TAF15: variants seen among roughly 807,000 people sequenced by gnomAD.
TAF15 encodes the protein TATA-binding protein-associated factor 2N.
A neutral mutation model predicts 102.5 loss-of-function variants in TAF15; 37 were observed. That is an observed-to-expected ratio of 0.36 (90% CI 0.28 to 0.47). The LOEUF (loss-of-function observed/expected upper bound fraction) is 0.47. Among genes scored for constraint, TAF15 ranks in the 20% least tolerant of loss-of-function variants. The probability of loss-of-function intolerance (pLI) is 0.99; values close to 1 mark genes in which losing one functional copy is unlikely to be tolerated. For synonymous variants in TAF15, 273 were observed against 259.2 expected (o/e 1.05, Z -0.51); for missense variants, 652 against 760.7 (o/e 0.86, Z 1.68).
rs368102708 is a variant in TAF15 at position 35,835,060 on chromosome 17, A to G, written c.673+462A>G. On this transcript the variant is annotated intron_variant, in intron 9 of 15. Coordinates refer to ENST00000605844, the MANE Select transcript of TAF15 (RefSeq NM_139215.3). Reference sequence around the variant, plus strand: ...CGCCCGGCTGGGGAGCTTTATTTCTAAAGAAGTGTCAGAAAAATTCAGGAG... The same window carrying G: ...CGCCCGGCTGGGGAGCTTTATTTCTGAAGAAGTGTCAGAAAAATTCAGGAG... 2.8e-3 allele frequency among the ~76,000 whole-genome samples: 420 copies of G among 152,098 alleles called. 4 individuals carry two copies. Among genetic ancestry groups the G allele is most frequent in the African/African-American group, 9.8e-3 (405 of 41,492 alleles).
At chr17:35,821,238 C>T (rs1295665303) in intron 5 of TAF15, among the ~76,000 whole-genome samples, 1 of 151,894 alleles carries the variant, frequency 6.6e-6, no homozygotes, top group Non-Finnish European at 1.5e-5. Context: ...AAATTATCAC[C>T]CTTACAGATG....
intron 1 of TAF15, among the ~76,000 whole-genome samples, chr17:35,812,403 C>G (rs1043524271): frequency 5.9e-5 from 9 of 151,780 alleles, no homozygotes; most frequent in South Asian, 4.2e-4. Flanking sequence ...TCGAGACCAG[C>G]TTGACCAACC....
Position 35,844,374 on chromosome 17 carries a change from T to G in TAF15, c.1177+6T>G, listed in dbSNP as rs1037133038. The stretch of plus-strand genomic sequence containing the variant: ...CTCTCGTCCCTCAGGAGGAGGTGGG[T>G]CAGCCTTTTAATAGCATCTGCATCG... On this transcript the variant is annotated splice_donor_region_variant and intron_variant, in intron 14 of 15. Coordinates refer to ENST00000605844, the MANE Select transcript of TAF15 (RefSeq NM_139215.3). The G allele has an allele frequency of 3.1e-6, 5 of 1,613,824 alleles. No individual in the cohort carries two copies. The highest frequency in any genetic ancestry group is 4.2e-6 in the Non-Finnish European group (5 of 1,179,870).
At chr17:35,834,039 C>A in intron 8 of TAF15, 98 bp downstream of exon 8, 1 of 1,250,650 alleles carries the variant, frequency 8.0e-7, no homozygotes, top group Non-Finnish European at 1.2e-6. Context: ...CTTTCTTACT[C>A]TGTTGAGGCT....
chr17:35,815,235 G>T (rs1402821971), intron 1 of TAF15, among the ~76,000 whole-genome samples: 1 of 152,122 alleles, frequency 6.6e-6, no homozygotes, highest in African/African-American at 2.4e-5. Flanking sequence ...CTATACACTT[G>T]GAAATTCAAA....
chr17:35,817,958 T>C (rs2087214231), intron 2 of TAF15, among the ~76,000 whole-genome samples: 1 of 152,174 alleles, frequency 6.6e-6, no homozygotes, highest in Non-Finnish European at 1.5e-5. Context: ...AGTCTTGCTG[T>C]TTTGCTCAGG....
chr17:35,818,103 CT>C (rs35135101), intron 2 of TAF15, among the ~76,000 whole-genome samples: 32 of 149,068 alleles, frequency 2.1e-4, no homozygotes, highest in Admixed American at 1.7e-3. Flanking sequence ...TCTTCCTTTT[CT>C]TTTTTTTTTG....
intron 7 of TAF15, among the ~76,000 whole-genome samples, chr17:35,827,276 C>T (rs1275914942): frequency 6.7e-6 from 1 of 148,544 alleles, no homozygotes; most frequent in African/African-American, 2.5e-5. Context: ...GCGGAGCTTG[C>T]AGTGAGCTGA....
Position 35,843,835 on chromosome 17 carries a change from G to C in TAF15, c.1007-242G>C, listed in dbSNP as rs550829004. ...TACTCAACCTGTATTACAGAAAATG[G>C]ACTTTGAAGTTTTCTAGTGCATTAT... On this transcript the variant is annotated intron_variant, in intron 12 of 15. Transcript: ENST00000605844. Among the ~76,000 whole-genome samples, 20 of 152,264 alleles carry C rather than the reference G, an allele frequency of 1.3e-4. No individual in the cohort carries two copies. The South Asian group carries it at 4.1e-3, about 32-fold the overall frequency.
Position 35,844,991 on chromosome 17 carries a change from G to C in TAF15, c.1692G>C (p.Gly564=), listed in dbSNP as rs200820525. The change falls in exon 15 of 16, where the codon GGG becomes GGC. Residue 564 remains glycine (G), a synonymous_variant. Coordinates refer to ENST00000605844, the MANE Select transcript of TAF15 (RefSeq NM_139215.3). ...GCGGCTATGGAGGAGACCGAGGTGG[G>C]GGCTACGGAGGAGACCGAGGTGGCT... ...SGGGYGGDRG[G]GYGGDRGGYG... is the part of the protein sequence containing the mutation. The C allele has an allele frequency of 4.3e-6, 7 of 1,610,616 alleles. No homozygotes were observed. The highest frequency in any genetic ancestry group is 5.1e-6 in the Non-Finnish European group (6 of 1,178,168).
intron 7 of TAF15, among the ~76,000 whole-genome samples, chr17:35,826,931 T>C (rs1270404742): frequency 6.6e-6 from 1 of 152,070 alleles, no homozygotes; most frequent in Non-Finnish European, 1.5e-5. Flanking sequence ...TTTAAAGATG[T>C]GCTTTTTAGC....
In TAF15 at chr17:35,844,567, G is replaced by T. The variant is rs1446216101; in HGVS notation, c.1268G>T (p.Ser423Ile). 3 of 1,599,972 alleles carry T rather than the reference G, an allele frequency of 1.9e-6. No individual in the cohort carries two copies. The African/African-American group carries it at 4.0e-5, about 22-fold the overall frequency. ...GDRGGYGGDR[S>I]GGGYGGDRSS... The stretch of plus-strand genomic sequence containing the variant: ...CGAGGCGGCTATGGTGGAGACAGAA[G>T]TGGGGGTGGCTATGGTGGAGACAGA... Residue 423 changes from serine to isoleucine, a missense_variant, in exon 15 of 16, where the codon AGT (serine) becomes ATT (isoleucine). Ser to Ile is a moderately radical substitution (Grantham distance 142). This residue lies in a region of TAF15 where 368 missense variants were observed against 367.5 expected (regional missense o/e 1.00). Coordinates refer to ENST00000605844, the MANE Select transcript of TAF15 (RefSeq NM_139215.3).
chr17:35,826,592 C>G (rs2087331452), intron 7 of TAF15, among the ~76,000 whole-genome samples: 1 of 146,790 alleles, frequency 6.8e-6, no homozygotes, highest in South Asian at 2.1e-4. Context: ...GAGTCTCGCT[C>G]TGTTGCCCAG....
chr17:35,830,411 T>G (rs958888499), intron 7 of TAF15: 1 of 152,172 alleles, frequency 6.6e-6, no homozygotes, highest in Non-Finnish European at 1.5e-5. Context: ...TGTGTAAATG[T>G]TTTCTGCTTT....
intron 7 of TAF15, among the ~76,000 whole-genome samples, chr17:35,829,869 T>C (rs938078005): frequency 6.6e-6 from 1 of 151,378 alleles, no homozygotes; most frequent in African/African-American, 2.4e-5. Flanking sequence ...GCTGGGCACA[T>C]TGGCTCACGC....
intron 2 of TAF15, 57 bp downstream of exon 2, chr17:35,817,812 C>A: frequency 6.8e-7 from 1 of 1,467,420 alleles, no homozygotes; most frequent in Non-Finnish European, 9.5e-7. Flanking sequence ...TGAATTTTGT[C>A]AAGCTTCTTC....
intron 1 of TAF15, chr17:35,811,119 T>G (rs189396149): frequency 3.3e-4 from 50 of 152,346 alleles, no homozygotes; most frequent in Admixed American, 2.6e-3. Flanking sequence ...GTGGAGAAAT[T>G]TACCAAGTTT....
rs879823976 is a variant in TAF15 at position 35,820,529 on chromosome 17, CT to C, written c.290+105del. 0.15 allele frequency: 124,879 copies of C among 821,506 alleles called. 295 individuals carry two copies. The highest frequency in any genetic ancestry group is 0.21 in the South Asian group (9,260 of 44,352). The allele number at this position is 821,506 out of a possible 1,614,324, so 50.9% of individuals were successfully genotyped here. A position where few individuals can be genotyped will look rare whatever the true frequency, so the allele number is the denominator to read the frequency against. ...TAACCAACAAAATCCTAGCTTTAAA[CT>C]TTTTTTTTTTTTAAAGGAAATTTTA... On this transcript the variant is annotated intron_variant, in intron 5 of 15. Coordinates refer to ENST00000605844, the MANE Select transcript of TAF15 (RefSeq NM_139215.3).
Position 35,828,415 on chromosome 17 carries a change from A to C in TAF15, c.605+4217A>C, listed in dbSNP as rs912238978. ...ATCTATTTAACTCAATATATTCAAA[A>C]TATTTCATCATGCAATCAATATAAA... On this transcript the variant is annotated intron_variant, in intron 7 of 15. Transcript: ENST00000605844. Among the ~76,000 whole-genome samples the C allele has an allele frequency of 3.9e-5, 6 of 152,314 alleles. No individual in the cohort carries two copies. In the East Asian group the frequency reaches 1.2e-3, roughly 29 times the overall value.
Sources: allele counts gnomAD v4.1 joint callset (sites outside exome capture counted in the v4.1 genomes callset), GRCh38; gene constraint gnomAD v4.1.1; regional missense constraint gnomAD v4.1.1; transcripts MANE v1.5; gene names NCBI Gene and HGNC (gene_info 2026-07-23, HGNC 2026-07-21).